SGIP1: variants seen among roughly 807,000 people sequenced by gnomAD.
SGIP1 encodes the protein SH3GL interacting endocytic adaptor 1.
Under a neutral mutation model 107.5 loss-of-function variants are expected in SGIP1, and 38 were observed. The observed-to-expected ratio is 0.35, with a 90% confidence interval of 0.27 to 0.46. The LOEUF is 0.46. SGIP1 is among the 20% of genes least tolerant of loss of function. The pLI, the probability that SGIP1 is intolerant of heterozygous loss-of-function variation, is 1.00. For synonymous variants in SGIP1, 365 were observed against 366.1 expected, an observed-to-expected ratio of 1.00 and a Z score of 0.03; for missense variants, 929 against 1,019.5, an observed-to-expected ratio of 0.91 and a Z score of 1.21.
intron 1 of SGIP1, among the ~76,000 whole-genome samples, chr1:66,545,987 A>G (rs1389750771): frequency 6.6e-6 from 1 of 152,154 alleles, no homozygotes; most frequent in Non-Finnish European, 1.5e-5. Context: ...CTCAATAAAT[A>G]CCCAGTTTTA....
chr1:66,660,183 GAAAGAAAGAAAGAA>G (rs779208669), intron 7 of SGIP1: 1 of 150,354 alleles, frequency 6.7e-6, no homozygotes, highest in South Asian at 4.9e-4. Flanking sequence ...AAGAAAGAAA[GAAAGAAAGAAAGAA>G]AGAAAGAAAG....
chr1:66,719,450 A>G (rs775452175), intron 19 of SGIP1, 45 bp downstream of exon 19: 7 of 1,504,906 alleles, frequency 4.7e-6, no homozygotes, highest in African/African-American at 2.8e-5. Context: ...GTTCTGTCCT[A>G]TTGAGTGTGG....
chr1:66,558,572 T>C (rs2058506982), intron 1 of SGIP1, among the ~76,000 whole-genome samples: 2 of 152,060 alleles, frequency 1.3e-5, no homozygotes, highest in South Asian at 2.1e-4. Context: ...CTAACATTAA[T>C]TGAGCACCTA....
At chr1:66,679,528 C>A in intron 13 of SGIP1, 150 bp from the exon 14 acceptor site, 1 of 780,028 alleles carries the variant, frequency 1.3e-6, no homozygotes, top group South Asian at 1.9e-5. Context: ...AGTTCTTTGG[C>A]TTTGAACTTC....
chr1:66,569,356 G>C (rs1350096465), intron 1 of SGIP1, among the ~76,000 whole-genome samples: 1 of 151,822 alleles, frequency 6.6e-6, no homozygotes. Flanking sequence ...TGCTTTGTTA[G>C]CTGTAGGTTT....
At chr1:66,656,266 T>C (rs1300526137) in intron 7 of SGIP1, among the ~76,000 whole-genome samples, 2 of 152,228 alleles carry the variant, frequency 1.3e-5, no homozygotes, top group African/African-American at 4.8e-5. Flanking sequence ...CACATGGAGC[T>C]GTCACCTCCT....
chr1:66,631,681 T>TTCTC lies in SGIP1; in HGVS notation c.75-1345_75-1342dup, dbSNP rs71058468. Among the ~76,000 whole-genome samples, 858 of 132,042 alleles carry TTCTC rather than the reference T, an allele frequency of 6.5e-3. 8 individuals are homozygous for TTCTC. Among genetic ancestry groups the TTCTC allele is most frequent in the African/African-American group, 9.1e-3 (320 of 35,150 alleles). The allele number at this position is 132,042 out of a possible 152,430, so 86.6% of individuals were successfully genotyped here. ...TCTCTCTCTCTTTCTCTCTCTCTCT[T>TTCTC]TCTCTCTCTCTCTCTCTCTCTCTCT... is the stretch of plus-strand genomic sequence containing the variant. On this transcript the variant is annotated intron_variant, in intron 2 of 24. Coordinates refer to ENST00000371037, the MANE Select transcript of SGIP1 (RefSeq NM_032291.4).
chr1:66,700,845 C>T (rs148410128), intron 18 of SGIP1, among the ~76,000 whole-genome samples: 184 of 152,214 alleles, frequency 1.2e-3, no homozygotes, highest in African/African-American at 3.8e-3. Context: ...TCTGTCCTCA[C>T]GTTCTTCCTG....
intron 1 of SGIP1, among the ~76,000 whole-genome samples, chr1:66,605,449 A>G (rs2149078434): frequency 6.6e-6 from 1 of 152,270 alleles, no homozygotes; most frequent in South Asian, 2.1e-4. Context: ...GACACCCCCA[A>G]GTCATCTTCC....
chr1:66,670,755 T>G (rs555254101), intron 9 of SGIP1, among the ~76,000 whole-genome samples: 16 of 152,334 alleles, frequency 1.1e-4, no homozygotes, highest in African/African-American at 3.4e-4. Flanking sequence ...GTAAGGGGTT[T>G]TTCTTCTTCA....
chr1:66,625,697 G>T, intron 1 of SGIP1, 150 bp from the exon 2 acceptor site: 1 of 570,078 alleles, frequency 1.8e-6, no homozygotes, highest in East Asian at 2.9e-5. Context: ...TGAATCATAT[G>T]GACATGCAGA....
chr1:66,600,147 G>T (rs952940677), intron 1 of SGIP1, among the ~76,000 whole-genome samples: 6 of 152,158 alleles, frequency 3.9e-5, no homozygotes, highest in Admixed American at 2.0e-4. Context: ...TGAACAGCAC[G>T]TTAAACAGTC....
chr1:66,573,820 C>A lies in SGIP1; in HGVS notation c.10+39452C>A, dbSNP rs915503700. Among the ~76,000 whole-genome samples the A allele has an allele frequency of 2.0e-5, 3 of 151,978 alleles. No homozygotes were observed. The East Asian group carries it at 5.8e-4, about 29-fold the overall frequency. On this transcript the variant is annotated intron_variant, in intron 1 of 24. Transcript: ENST00000371037. ...AACTAATGAGTACTAGGCTTAATAC[C>A]CAGGTGATGAAAAATAATCTGTACA...
chr1:66,579,521 G>A (rs749737950), intron 1 of SGIP1, among the ~76,000 whole-genome samples: 1 of 152,146 alleles, frequency 6.6e-6, no homozygotes, highest in Non-Finnish European at 1.5e-5. Flanking sequence ...TAAATTCTGT[G>A]CATGTAGCAA....
Position 66,534,177 on chromosome 1 carries a change from G to T in SGIP1, c.-182G>T. 1 of 637,046 alleles carries T rather than the reference G, an allele frequency of 1.6e-6. No individual in the cohort carries two copies. 39.5% of individuals were successfully genotyped at this position (637,046 alleles called of 1,614,324 possible). A position where few individuals can be genotyped will look rare whatever the true frequency, so the allele number is the denominator to read the frequency against. The stretch of plus-strand genomic sequence containing the variant: ...CATCTTCTTGGTAGCCTGCCTGTAG[G>T]TGAAGAAGCACCAGCAGCATCCATG... On this transcript the variant is annotated 5_prime_UTR_variant, in exon 1 of 25. Coordinates refer to ENST00000371037, the MANE Select transcript of SGIP1 (RefSeq NM_032291.4).
intron 1 of SGIP1, among the ~76,000 whole-genome samples, chr1:66,546,150 C>T (rs1314549257): frequency 6.6e-6 from 1 of 152,154 alleles, no homozygotes; most frequent in Non-Finnish European, 1.5e-5. Context: ...GTCATGTGCA[C>T]ATCAGAGGTC....
At chr1:66,556,803 T>TC (rs1040298772) in intron 1 of SGIP1, among the ~76,000 whole-genome samples, 3 of 152,038 alleles carry the variant, frequency 2.0e-5, no homozygotes, top group African/African-American at 7.2e-5. Flanking sequence ...TCTCAAACTG[T>TC]CCCCCCATTG....
chr1:66,604,195 A>C (rs992677132), intron 1 of SGIP1, among the ~76,000 whole-genome samples: 1 of 152,160 alleles, frequency 6.6e-6, no homozygotes, highest in Non-Finnish European at 1.5e-5. Context: ...GGAGGGAGGG[A>C]CATGTTTCTA....
At chr1:66,731,710 C>A (rs1325192076) in intron 20 of SGIP1, among the ~76,000 whole-genome samples, 1 of 152,100 alleles carries the variant, frequency 6.6e-6, no homozygotes, top group East Asian at 1.9e-4. Flanking sequence ...TTTAAAAAGG[C>A]ATTGTTGACC....
Sources: gnomAD v4.1 joint callset for allele counts (sites outside exome capture counted in the v4.1 genomes callset) on GRCh38, gnomAD v4.1.1 for gene constraint, MANE v1.5 for transcripts, NCBI Gene and HGNC (gene_info 2026-07-23, HGNC 2026-07-21) for gene names.